ATRNL1: variants seen among roughly 807,000 people sequenced by gnomAD.
ATRNL1 encodes attractin-like protein 1.
A neutral mutation model predicts 182.7 loss-of-function variants in ATRNL1; 95 were observed. That is an observed-to-expected ratio of 0.52 (90% CI 0.44 to 0.62). The LOEUF (loss-of-function observed/expected upper bound fraction) is 0.62. ATRNL1 is among the 20% of genes least tolerant of loss of function. The pLI is 0.00. For missense variants in ATRNL1, 1,471 were observed against 1,679.5 expected (o/e 0.88, Z 2.17); for synonymous variants, 576 against 568.3 (o/e 1.01, Z -0.19).
Position 115,165,363 on chromosome 10 carries a change from A to G in ATRNL1, c.1005-195A>G, listed in dbSNP as rs144060258. On this transcript the variant is annotated intron_variant, in intron 6 of 28. Transcript: ENST00000355044. ...TTATACATTCAGGAGACTGAATCCT[A>G]ATTTAGTGTAGGTATATCTTGAATG... 3.6e-3 allele frequency among the ~76,000 whole-genome samples: 541 copies of G among 152,180 alleles called. 2 individuals are homozygous for G. Among genetic ancestry groups the G allele is most frequent in the African/African-American group, 0.013 (522 of 41,566 alleles).
intron 18 of ATRNL1, among the ~76,000 whole-genome samples, chr10:115,324,186 A>G (rs1017908893): frequency 7.3e-5 from 11 of 151,216 alleles, no homozygotes; most frequent in African/African-American, 2.7e-4. Context: ...TTAATTTAGA[A>G]TTTTTTTTTC....
chr10:115,859,620 C>T (rs1057246062), intron 28 of ATRNL1, among the ~76,000 whole-genome samples: 2 of 152,048 alleles, frequency 1.3e-5, no homozygotes, highest in Admixed American at 6.5e-5. Flanking sequence ...CTGGGGGTCA[C>T]CTCATAGGGC....
intron 19 of ATRNL1, among the ~76,000 whole-genome samples, chr10:115,368,097 G>A (rs1472038427): frequency 6.6e-6 from 1 of 152,166 alleles, no homozygotes; most frequent in Non-Finnish European, 1.5e-5. Context: ...AGCAAGCCTG[G>A]GCAATGGCGG....
chr10:115,826,924 A>G (rs74688032), intron 27 of ATRNL1, among the ~76,000 whole-genome samples: 54 of 152,276 alleles, frequency 3.5e-4, no homozygotes, highest in African/African-American at 1.3e-3. Flanking sequence ...TGGTTTTCAG[A>G]CTTCAGAGGA....
rs71010006 is a variant in ATRNL1 at position 115,098,453 on chromosome 10, C to CTTT, written c.293+4434_293+4436dup. Among the ~76,000 whole-genome samples, 344 of 80,742 alleles carry CTTT rather than the reference C, an allele frequency of 4.3e-3. 57 individuals carry two copies. Among genetic ancestry groups the CTTT allele is most frequent in the African/African-American group, 0.019 (299 of 16,030 alleles). 53.0% of individuals were successfully genotyped at this position (80,742 alleles called of 152,430 possible). On this transcript the variant is annotated intron_variant, in intron 1 of 28. Transcript: ENST00000355044. The stretch of plus-strand genomic sequence containing the variant: ...CTAATCTTAGCTTAAATACTAGTTT[C>CTTT]TTTTTTTTTTTTTTTTTTTTTTTTT...
At chr10:115,272,558 A>C (rs1021154163) in intron 13 of ATRNL1, among the ~76,000 whole-genome samples, 3 of 152,182 alleles carry the variant, frequency 2.0e-5, no homozygotes, top group Non-Finnish European at 4.4e-5. Flanking sequence ...ATAGGAAGAA[A>C]AATTTCGCTA....
chr10:115,708,658 CG>C, intron 26 of ATRNL1, among the ~76,000 whole-genome samples: 1 of 151,698 alleles, frequency 6.6e-6, no homozygotes, highest in Non-Finnish European at 1.5e-5. Flanking sequence ...GGTATGCTTG[CG>C]TCATTTCCAA....
intron 5 of ATRNL1, among the ~76,000 whole-genome samples, chr10:115,150,117 C>T (rs559766514): frequency 5.3e-5 from 8 of 151,860 alleles, no homozygotes; most frequent in African/African-American, 1.4e-4. Flanking sequence ...TCTATGTTTT[C>T]CAGTTTGTTA....
chr10:115,707,453 T>C (rs900600423), intron 26 of ATRNL1, among the ~76,000 whole-genome samples: 1 of 151,750 alleles, frequency 6.6e-6, no homozygotes, highest in Non-Finnish European at 1.5e-5. Flanking sequence ...TTTTTTCTTC[T>C]TTTGAACCTC....
intron 18 of ATRNL1, among the ~76,000 whole-genome samples, chr10:115,317,366 G>A (rs1269133866): frequency 6.6e-6 from 1 of 152,146 alleles, no homozygotes; most frequent in Non-Finnish European, 1.5e-5. Context: ...GATCGTCTTG[G>A]CTATATGGGG....
At chr10:115,616,738 TAAGCCTTGGTGGCTTCCACATGGTTTC>T (rs2133792568) in intron 26 of ATRNL1, among the ~76,000 whole-genome samples, 1 of 152,330 alleles carries the variant, frequency 6.6e-6, no homozygotes, top group East Asian at 1.9e-4. Context: ...GTGCAAGCCA[TAAGCCTTGGTGGCTTCCACATGGTTTC>T]AAGCCTGTAG....
intron 28 of ATRNL1, among the ~76,000 whole-genome samples, chr10:115,868,936 T>C (rs1951509033): frequency 6.7e-6 from 1 of 148,838 alleles, no homozygotes; most frequent in East Asian, 2.0e-4. Context: ...TTCACGCCAT[T>C]CTCCTGCCTC....
intron 27 of ATRNL1, among the ~76,000 whole-genome samples, chr10:115,743,091 C>A (rs1302038927): frequency 3.9e-5 from 6 of 152,020 alleles, no homozygotes; most frequent in African/African-American, 1.4e-4. Flanking sequence ...ATCATGAGAA[C>A]AGCATAGAGG....
At chr10:115,755,942 G>A (rs1948577692) in intron 27 of ATRNL1, among the ~76,000 whole-genome samples, 2 of 152,120 alleles carry the variant, frequency 1.3e-5, no homozygotes, top group African/African-American at 4.8e-5. Flanking sequence ...AGATTTTCTA[G>A]TTTATTTGCA....
chr10:115,717,798 C>T (rs1555056727), intron 26 of ATRNL1, among the ~76,000 whole-genome samples: 1 of 152,102 alleles, frequency 6.6e-6, no homozygotes, highest in Non-Finnish European at 1.5e-5. Flanking sequence ...TCGTGATCCA[C>T]CCACCTCAGC....
intron 1 of ATRNL1, among the ~76,000 whole-genome samples, chr10:115,112,901 A>G (rs979872806): frequency 1.3e-5 from 2 of 152,184 alleles, no homozygotes; most frequent in Admixed American, 6.5e-5. Flanking sequence ...AAACTTTCCA[A>G]TCTATGGGTG....
At chr10:115,696,781 C>T (rs1377259386) in intron 26 of ATRNL1, among the ~76,000 whole-genome samples, 1 of 152,014 alleles carries the variant, frequency 6.6e-6, no homozygotes, top group East Asian at 1.9e-4. Flanking sequence ...TTAATTGACT[C>T]ACAGTTCCAC....
At chr10:115,143,518 A>G (rs1386121796) in intron 5 of ATRNL1, among the ~76,000 whole-genome samples, 2 of 152,040 alleles carry the variant, frequency 1.3e-5, no homozygotes, top group African/African-American at 2.4e-5. Flanking sequence ...ACAAAATACC[A>G]CAGATTAGGT....
chr10:115,493,248 C>T (rs1849395793), intron 24 of ATRNL1, among the ~76,000 whole-genome samples: 1 of 152,054 alleles, frequency 6.6e-6, no homozygotes, highest in Non-Finnish European at 1.5e-5. Flanking sequence ...AGGTAGTTTT[C>T]AATCCTCACC....
Sources: allele counts gnomAD v4.1 joint callset (sites outside exome capture counted in the v4.1 genomes callset), GRCh38; gene constraint gnomAD v4.1.1; transcripts MANE v1.5; gene names NCBI Gene and HGNC (gene_info 2026-07-23, HGNC 2026-07-21).